Variants in LIMS2 observed in about 807,000 individuals in gnomAD.
LIMS2 encodes LIM and senescent cell antigen-like-containing domain protein 2.
A neutral mutation model predicts 45.3 loss-of-function variants in LIMS2; 30 were observed. The observed-to-expected ratio is 0.66, with a 90% CI of 0.50 to 0.90. LIMS2 has a LOEUF of 0.90. Ranked by LOEUF, LIMS2 falls within the 40% of genes least tolerant of loss-of-function variation. The probability of loss-of-function intolerance (pLI) is 0.00; values close to 1 mark genes in which losing one functional copy is unlikely to be tolerated. For missense variants in LIMS2, 485 were observed against 468.7 expected, an observed-to-expected ratio of 1.03 and a Z score of -0.32; for synonymous variants, 173 against 188.0, an observed-to-expected ratio of 0.92 and a Z score of 0.65.
rs777554874 is a variant in LIMS2 at position 127,639,244 on chromosome 2, G to A, written c.*37C>T. 5.6e-6 allele frequency: 9 copies of A among 1,606,388 alleles called. No homozygotes were observed. The Middle Eastern group carries it at 5.1e-4, about 91-fold the overall frequency. On this transcript the variant is annotated 3_prime_UTR_variant, in exon 10 of 10. Coordinates refer to ENST00000355119, the MANE Select transcript of LIMS2 (RefSeq NM_001161403.3). Reference sequence around the variant, plus strand: ...AAGCATGGACAGCAGGAGGGGAGAAGGCGGAGGGGCCGAGAGGCAGCTGCG... The same window carrying A: ...AAGCATGGACAGCAGGAGGGGAGAAAGCGGAGGGGCCGAGAGGCAGCTGCG...
At position 127,660,009 on chromosome 2, in the gene LIMS2, A is replaced by G. The variant is rs72843393; in HGVS notation, c.12-2447T>C. On this transcript the variant is annotated intron_variant, in intron 1 of 9. Coordinates refer to ENST00000355119, the MANE Select transcript of LIMS2 (RefSeq NM_001161403.3). The stretch of plus-strand genomic sequence containing the variant: ...CTTCCTCCCTCGCCGTTTCATAAAC[A>G]CACCCTCAACTAGCACTCCCCAGTT... Among the ~76,000 whole-genome samples the G allele has an allele frequency of 7.0e-3, 1,064 of 152,154 alleles. 10 individuals carry two copies. The highest frequency in any genetic ancestry group is 0.012 in the Non-Finnish European group (786 of 68,002).
chr2:127,656,372 TCTC>T (rs996898950), intron 2 of LIMS2, among the ~76,000 whole-genome samples: 2 of 150,224 alleles, frequency 1.3e-5, no homozygotes, highest in African/African-American at 4.9e-5. Context: ...CCTTACATCC[TCTC>T]CTCAGCACAG....
At chr2:127,662,149 C>T (rs76344532) in intron 1 of LIMS2, among the ~76,000 whole-genome samples, 1,876 of 152,280 alleles carry the variant, frequency 0.012, 34 homozygotes, top group African/African-American at 0.041. Flanking sequence ...CTGGCCCCGA[C>T]GCCCCCTGTC....
Position 127,640,914 on chromosome 2 carries a change from G to T in LIMS2, c.735C>A (p.Cys245Ter). 1 of 1,613,790 alleles carries T rather than the reference G, an allele frequency of 6.2e-7. No individual in the cohort carries two copies. Among genetic ancestry groups the T allele is most frequent in the Non-Finnish European group, 8.5e-7 (1 of 1,179,862 alleles). Residue 245 changes from cysteine to a stop codon, truncating the protein, a stop_gained, in exon 7 of 10, where the codon TGC becomes TGA. Transcript: ENST00000355119. LOFTEE classifies it high-confidence loss of function. The part of the protein sequence containing the change: ...RHYEKKGLAY[C>*]ETHYNQLFGD... ...GGCTCACCTGGTTGTAGTGAGTCTC[G>T]CAGTAGGCCAGGCCCTTCTTCTCAT...
rs768350062 is a variant in LIMS2, at chr2:127,653,382, C to A, written c.359+1042G>T. Among the ~76,000 whole-genome samples the A allele has an allele frequency of 2.6e-5, 4 of 152,302 alleles. No individual in the cohort carries two copies. Among genetic ancestry groups the A allele is most frequent in the Non-Finnish European group, 5.9e-5 (4 of 68,022 alleles). ...GGAGAATCCCAAACTGCTTGTGCCT[C>A]ATTGCGTTTGGGATGCCTGGTGGAC... is the stretch of plus-strand genomic sequence containing the variant. On this transcript the variant is annotated intron_variant, in intron 4 of 9. Transcript: ENST00000355119. The surrounding 1 kb of genome is among the most constrained non-coding windows in gnomAD (Gnocchi z 5.3).
chr2:127,648,705 T>G (rs2105249622), intron 4 of LIMS2, among the ~76,000 whole-genome samples: 1 of 151,996 alleles, frequency 6.6e-6, no homozygotes, highest in African/African-American at 2.4e-5. Context: ...GAGGATCACT[T>G]GAGCCCAGGA....
chr2:127,670,347 T>C (rs1207526733), intron 1 of LIMS2, among the ~76,000 whole-genome samples: 1 of 152,166 alleles, frequency 6.6e-6, no homozygotes, highest in Non-Finnish European at 1.5e-5. Context: ...CTTGGAAATA[T>C]GTTGTTAATA....
intron 4 of LIMS2, chr2:127,651,389 C>T: frequency 6.2e-7 from 1 of 1,612,820 alleles, no homozygotes; most frequent in Non-Finnish European, 8.5e-7. Flanking sequence ...TCATCCGCAG[C>T]CTGCGGCAGG....
upstream of LIMS2, among the ~76,000 whole-genome samples, chr2:127,675,734 C>G (rs1399885449): frequency 6.6e-6 from 1 of 152,138 alleles, no homozygotes; most frequent in Non-Finnish European, 1.5e-5. Context: ...CTTTCCTAGC[C>G]CGGAGTTCCC....
At position 127,642,726 on chromosome 2, in the gene LIMS2, G is replaced by A; in HGVS notation, c.509+197C>T. The A allele has an allele frequency of 1.6e-6, 1 of 625,170 alleles. No homozygotes were observed. Among genetic ancestry groups the A allele is most frequent in the Non-Finnish European group, 2.7e-6 (1 of 364,956 alleles). The allele number at this position is 625,170 out of a possible 1,614,324, so 38.7% of individuals were successfully genotyped here. ...CCCCCCAAACAGAGCCCTGGAGAGA[G>A]AAGCTTCCTGCCATGGCTGCTTCCC... On this transcript the variant is annotated intron_variant, in intron 5 of 9. Transcript: ENST00000355119. The surrounding 1 kb of genome is among the most constrained non-coding windows in gnomAD (Gnocchi z 5.3).
At chr2:127,650,517 C>T in intron 4 of LIMS2, 2 of 582,546 alleles carry the variant, frequency 3.4e-6, no homozygotes, top group South Asian at 2.2e-5. Flanking sequence ...CTGCGTTTGC[C>T]TTGTGCTGAA....
In LIMS2 at chr2:127,640,319, C is replaced by A; in HGVS notation, c.754-1G>T. Reference sequence around the variant, plus strand: ...AGTTGTAGCAGACGTCCCCGAAGAGCTGTGGGCCGAGCAGGCTGTCAGAGT... The same window carrying A: ...AGTTGTAGCAGACGTCCCCGAAGAGATGTGGGCCGAGCAGGCTGTCAGAGT... On this transcript the variant is annotated splice_acceptor_variant, in intron 7 of 9. Coordinates refer to ENST00000355119, the MANE Select transcript of LIMS2 (RefSeq NM_001161403.3). LOFTEE classifies it high-confidence loss of function. The A allele has an allele frequency of 6.2e-7, 1 of 1,612,688 alleles. No individual in the cohort carries two copies. Among genetic ancestry groups the A allele is most frequent in the Non-Finnish European group, 8.5e-7 (1 of 1,179,904 alleles).
intron 1 of LIMS2, among the ~76,000 whole-genome samples, chr2:127,666,210 TG>T (rs1303462846): frequency 6.6e-6 from 1 of 151,552 alleles, no homozygotes; most frequent in Non-Finnish European, 1.5e-5. Flanking sequence ...CCGAGAGTGA[TG>T]TCAGCAGAAA....
chr2:127,640,735 G>C (rs1381363102), intron 7 of LIMS2, 161 bp downstream of exon 7: 5 of 651,842 alleles, frequency 7.7e-6, no homozygotes, highest in African/African-American at 7.3e-5. Flanking sequence ...GAGCTGCCCA[G>C]GTCTCGAGAC....
upstream of LIMS2, among the ~76,000 whole-genome samples, chr2:127,680,315 C>G (rs564862292): frequency 2.7e-4 from 41 of 152,326 alleles, no homozygotes; most frequent in African/African-American, 8.7e-4. Context: ...CAGCTGGGCA[C>G]GATGGTGCAT....
intron 4 of LIMS2, chr2:127,651,699 C>T (rs1471312940): frequency 1.2e-6 from 2 of 1,613,056 alleles, no homozygotes; most frequent in African/African-American, 1.3e-5. Context: ...GGGCCCGCCC[C>T]CCAGCTTCGA....
At chr2:127,640,627 A>AAGGG (rs1351334622) in intron 7 of LIMS2, 3 of 598,138 alleles carry the variant, frequency 5.0e-6, no homozygotes, top group Non-Finnish European at 6.0e-6. Flanking sequence ...GTACCAGAGC[A>AAGGG]AGGGAGGGAG....
Position 127,672,524 on chromosome 2 carries a change from G to T in LIMS2, c.11+2490C>A, listed in dbSNP as rs1385243830. Reference sequence around the variant, plus strand: ...ACCCCCACCTGTCATCACAGGAGGGGCATCCTCCCGAGCCCCACCCTCTGT... The same window carrying T: ...ACCCCCACCTGTCATCACAGGAGGGTCATCCTCCCGAGCCCCACCCTCTGT... On this transcript the variant is annotated intron_variant, in intron 1 of 9. Transcript: ENST00000355119. The surrounding 1 kb of genome is among the most constrained non-coding windows in gnomAD (Gnocchi z 4.9). Among the ~76,000 whole-genome samples the T allele has an allele frequency of 6.6e-6, 1 of 152,060 alleles. No homozygotes were observed. Among genetic ancestry groups the T allele is most frequent in the East Asian group, 1.9e-4 (1 of 5,180 alleles).
In LIMS2 at chr2:127,664,952, G is replaced by A. The variant is rs1446721834; in HGVS notation, c.12-7390C>T. ...GGGGCACCCAGACCAGGGCAGAGCC[G>A]ATCCTCTGGATCTGGCCAACAAATG... On this transcript the variant is annotated intron_variant, in intron 1 of 9. Coordinates refer to ENST00000355119, the MANE Select transcript of LIMS2 (RefSeq NM_001161403.3). This position sits in a 1 kb window ranked among gnomAD's most constrained non-coding sequence, Gnocchi z 5.5. 1.3e-5 allele frequency among the ~76,000 whole-genome samples: 2 copies of A among 152,198 alleles called. No homozygotes were observed. Among genetic ancestry groups the A allele is most frequent in the Non-Finnish European group, 2.9e-5 (2 of 68,032 alleles).
Sources: allele counts gnomAD v4.1 joint callset (sites outside exome capture counted in the v4.1 genomes callset), GRCh38; gene constraint gnomAD v4.1.1; non-coding constraint Gnocchi (gnomAD v3.1); transcripts MANE v1.5; gene names NCBI Gene and HGNC (gene_info 2026-07-23, HGNC 2026-07-21).